CCDC148: variants seen among roughly 807,000 people sequenced by gnomAD.
The protein encoded by CCDC148 is coiled-coil domain-containing protein 148.
Under a neutral mutation model 85.7 loss-of-function variants are expected in CCDC148, and 89 were observed. That is an observed-to-expected ratio of 1.04 (90% CI 0.87 to 1.24). CCDC148 has a LOEUF of 1.24. Ranked by LOEUF, CCDC148 falls within the 50% of genes most tolerant of loss-of-function variation. The probability of loss-of-function intolerance (pLI) is 0.00; values close to 1 mark genes in which losing one functional copy is unlikely to be tolerated. For synonymous variants in CCDC148, 230 were observed against 213.9 expected (o/e 1.08, Z -0.66); for missense variants, 692 against 671.7 (o/e 1.03, Z -0.33).
At chr2:158,450,239 TC>T (rs1190724619) in intron 1 of CCDC148, among the ~76,000 whole-genome samples, 1 of 152,182 alleles carries the variant, frequency 6.6e-6, no homozygotes. Context: ...TCTTTCTACC[TC>T]TACGAAGCAG....
intron 9 of CCDC148, among the ~76,000 whole-genome samples, chr2:158,255,454 C>T (rs990054092): frequency 3.3e-5 from 5 of 151,594 alleles, no homozygotes; most frequent in African/African-American, 7.3e-5. Context: ...AATCTGGTGG[C>T]AATTGAAATA....
intron 8 of CCDC148, among the ~76,000 whole-genome samples, chr2:158,312,505 C>A (rs913285244): frequency 1.4e-5 from 2 of 143,638 alleles, no homozygotes; most frequent in South Asian, 2.2e-4. Flanking sequence ...TCGCTTGAAC[C>A]CAGGAGGGGG....
chr2:158,246,843 C>T (rs1230095759), intron 10 of CCDC148, among the ~76,000 whole-genome samples: 3 of 152,152 alleles, frequency 2.0e-5, no homozygotes, highest in Non-Finnish European at 2.9e-5. Context: ...TCTAGGCTCA[C>T]GGCATAGTGT....
chr2:158,226,342 C>A (rs1242414207), intron 10 of CCDC148, among the ~76,000 whole-genome samples: 3 of 152,100 alleles, frequency 2.0e-5, no homozygotes, highest in Non-Finnish European at 4.4e-5. Context: ...AAGTCCAGGA[C>A]CAGATGGATT....
Position 158,456,383 on chromosome 2 carries a change from G to A in CCDC148, c.25+32C>T, listed in dbSNP as rs770230106. On this transcript the variant is annotated intron_variant, in intron 1 of 13. Transcript: ENST00000283233. ...GGTGGCTCAGTGACGTCAGGAGGAA[G>A]CAGCGATGGAAGGGATGGGGTGCAA... The A allele has an allele frequency of 2.7e-5, 43 of 1,607,758 alleles. 1 individual carries two copies. The South Asian group carries it at 4.3e-4, about 16-fold the overall frequency.
intron 1 of CCDC148, among the ~76,000 whole-genome samples, chr2:158,441,023 C>T (rs535986654): frequency 6.6e-6 from 1 of 152,144 alleles, no homozygotes; most frequent in African/African-American, 2.4e-5. Flanking sequence ...CCACTGCACT[C>T]CAGCCTGGGT....
intron 1 of CCDC148, among the ~76,000 whole-genome samples, chr2:158,388,003 T>C (rs1685160283): frequency 1.3e-5 from 2 of 152,118 alleles, no homozygotes; most frequent in South Asian, 4.1e-4. Context: ...CTGCTCCTTA[T>C]AAGGATTTAG....
At position 158,309,305 on chromosome 2, in the gene CCDC148, A is replaced by G. The variant is rs1281689445; in HGVS notation, c.1110+128T>C. ...AATGCAATTTTATACAGTTCAAACT[A>G]ACAGTTTTATTAAAGGTAGGCTTTT... On this transcript the variant is annotated intron_variant, in intron 9 of 13. Transcript: ENST00000283233. 5.3e-6 allele frequency: 4 copies of G among 749,294 alleles called. No homozygotes were observed. In the East Asian group the frequency reaches 8.0e-5, roughly 15 times the overall value. 46.4% of individuals were successfully genotyped at this position (749,294 alleles called of 1,614,324 possible). A position where few individuals can be genotyped will look rare whatever the true frequency, so the allele number is the denominator to read the frequency against.
intron 7 of CCDC148, among the ~76,000 whole-genome samples, chr2:158,315,899 A>G (rs1004955691): frequency 6.6e-6 from 1 of 152,056 alleles, no homozygotes; most frequent in African/African-American, 2.4e-5. Context: ...ATACCTTTGC[A>G]CTCTGGCCTT....
chr2:158,311,031 G>A (rs1052510962), intron 8 of CCDC148, among the ~76,000 whole-genome samples: 8 of 152,072 alleles, frequency 5.3e-5, no homozygotes, highest in Non-Finnish European at 7.4e-5. Context: ...CCCAGAAGAC[G>A]GGTGGCCAGG....
intron 10 of CCDC148, 108 bp downstream of exon 10, chr2:158,250,664 G>T: frequency 7.3e-7 from 1 of 1,373,690 alleles, no homozygotes; most frequent in Non-Finnish European, 9.4e-7. Context: ...CTTTATGAAT[G>T]TTCTCAGAAC....
chr2:158,191,301 C>T (rs1685411976), intron 11 of CCDC148, among the ~76,000 whole-genome samples: 1 of 152,040 alleles, frequency 6.6e-6, no homozygotes, highest in Non-Finnish European at 1.5e-5. Context: ...CTCAGAACTT[C>T]TGTAGAAAGC....
intron 1 of CCDC148, among the ~76,000 whole-genome samples, chr2:158,431,522 C>CA (rs1282637404): frequency 4.0e-5 from 6 of 150,460 alleles, no homozygotes; most frequent in Admixed American, 3.3e-4. Flanking sequence ...TATAATCCTA[C>CA]ACACGCTGTG....
chr2:158,432,708 G>A (rs1179304320), intron 1 of CCDC148, among the ~76,000 whole-genome samples: 1 of 151,970 alleles, frequency 6.6e-6, no homozygotes, highest in African/African-American at 2.4e-5. Context: ...AGAAATTAAA[G>A]GAGAAAAGAA....
At chr2:158,406,393 G>A (rs6437171) in intron 1 of CCDC148, among the ~76,000 whole-genome samples, 5 of 151,822 alleles carry the variant, frequency 3.3e-5, no homozygotes, top group East Asian at 2.0e-4. Flanking sequence ...AGGTCCTAGT[G>A]GGGGGCTGGG....
chr2:158,313,309 G>A (rs556702428), intron 8 of CCDC148, among the ~76,000 whole-genome samples: 5 of 152,354 alleles, frequency 3.3e-5, no homozygotes, highest in African/African-American at 1.2e-4. Flanking sequence ...GAAGAGATAA[G>A]TAAGTACCAC....
chr2:158,275,607 G>C (rs1024044799), intron 9 of CCDC148, among the ~76,000 whole-genome samples: 1 of 152,054 alleles, frequency 6.6e-6, no homozygotes, highest in Admixed American at 6.5e-5. Flanking sequence ...TCAAATCCCT[G>C]TCAATCTAGT....
chr2:158,323,277 A>G (rs1692605234), intron 7 of CCDC148, among the ~76,000 whole-genome samples: 1 of 152,254 alleles, frequency 6.6e-6, no homozygotes, highest in Non-Finnish European at 1.5e-5. Context: ...TGTTCTAAAT[A>G]TAAAATGCTG....
intron 2 of CCDC148, among the ~76,000 whole-genome samples, chr2:158,350,857 G>A (rs915487301): frequency 6.6e-6 from 1 of 151,950 alleles, no homozygotes; most frequent in African/African-American, 2.4e-5. Context: ...ATTTTGCACG[G>A]CCATCGTCGT....
Sources: allele counts gnomAD v4.1 joint callset (sites outside exome capture counted in the v4.1 genomes callset), GRCh38; gene constraint gnomAD v4.1.1; transcripts MANE v1.5; gene names NCBI Gene and HGNC (gene_info 2026-07-23, HGNC 2026-07-21).